Variants in SLC13A2 observed in about 807,000 individuals in gnomAD.
SLC13A2 encodes solute carrier family 13 member 2.
A neutral mutation model predicts 58.5 loss-of-function variants in SLC13A2; 40 were observed. The observed-to-expected ratio is 0.68, with a 90% confidence interval of 0.53 to 0.89. The LOEUF (loss-of-function observed/expected upper bound fraction) is 0.89. Among genes scored for constraint, SLC13A2 ranks in the 40% least tolerant of loss-of-function variants. SLC13A2 has a pLI of 0.00. For missense variants in SLC13A2, 694 were observed against 772.6 expected (o/e 0.90, Z 1.21); for synonymous variants, 341 against 331.6 (o/e 1.03, Z -0.31).
At chr17:28,489,162 G>A (rs1036924557) in intron 1 of SLC13A2, 52 bp from the exon 2 acceptor site, 2 of 1,599,886 alleles carry the variant, frequency 1.3e-6, no homozygotes, top group Admixed American at 3.4e-5. Context: ...AGGTGGCATA[G>A]CTCTGGGACA....
intron 1 of SLC13A2, among the ~76,000 whole-genome samples, chr17:28,480,153 CAAA>C (rs782701132): frequency 4.0e-5 from 5 of 125,378 alleles, no homozygotes; most frequent in Admixed American, 8.1e-5. Flanking sequence ...GACTCTGTCT[CAAA>C]AAAAAAAAAA....
intron 1 of SLC13A2, among the ~76,000 whole-genome samples, chr17:28,485,143 G>A (rs782080374): frequency 1.1e-4 from 16 of 152,240 alleles, no homozygotes; most frequent in African/African-American, 2.7e-4. Flanking sequence ...TGGGGAAGGA[G>A]GAGGCAGGGC....
chr17:28,494,629 C>T lies in SLC13A2; in HGVS notation c.1308+117C>T, dbSNP rs187568790. 817 of 1,455,870 alleles carry T rather than the reference C, an allele frequency of 5.6e-4. 2 individuals are homozygous for T. In the African/African-American group the frequency reaches 0.01, roughly 18 times the overall value. 90.2% of individuals were successfully genotyped at this position (1,455,870 alleles called of 1,614,324 possible). A position where few individuals can be genotyped will look rare whatever the true frequency, so the allele number is the denominator to read the frequency against. On this transcript the variant is annotated intron_variant, in intron 9 of 11. Coordinates refer to ENST00000314669, the MANE Select transcript of SLC13A2 (RefSeq NM_003984.4). The surrounding 1 kb of genome is among the most constrained non-coding windows in gnomAD (Gnocchi z 4.0). The stretch of plus-strand genomic sequence containing the variant: ...ACCTGGTCCCCACGTAGGAGCCTCT[C>T]GGGTAGGCAGAGCCTTTGCAGCAGC...
intron 1 of SLC13A2, among the ~76,000 whole-genome samples, chr17:28,487,109 T>C (rs1159111244): frequency 6.6e-6 from 1 of 152,240 alleles, no homozygotes; most frequent in East Asian, 1.9e-4. Flanking sequence ...GGTCCGATTA[T>C]TAACAACTCC....
At chr17:28,486,769 G>A (rs914537600) in intron 1 of SLC13A2, among the ~76,000 whole-genome samples, 4 of 151,308 alleles carry the variant, frequency 2.6e-5, no homozygotes, top group African/African-American at 7.3e-5. Flanking sequence ...AAACACACTG[G>A]AACACATGGA....
At chr17:28,491,381 C>A in intron 4 of SLC13A2, 56 bp from the exon 5 acceptor site, 4 of 1,589,628 alleles carry the variant, frequency 2.5e-6, no homozygotes, top group South Asian at 1.1e-5. Context: ...GCCCTGGCCC[C>A]GTTCCCCAGA....
intron 10 of SLC13A2, 92 bp downstream of exon 10, chr17:28,495,908 C>T: frequency 1.4e-6 from 2 of 1,426,126 alleles, no homozygotes; most frequent in Non-Finnish European, 9.5e-7. Context: ...CCTGTCTTTG[C>T]ACCTCCTCTT....
chr17:28,495,753 C>A lies in SLC13A2; in HGVS notation c.1407C>A (p.Thr469=). 6.2e-7 allele frequency: 1 copy of A among 1,613,318 alleles called. No homozygotes were observed. The highest frequency in any genetic ancestry group is 1.1e-5 in the South Asian group (1 of 91,064). Residue 469 remains threonine (T), a synonymous_variant, in exon 10 of 12, where the codon ACC becomes ACA. Coordinates refer to ENST00000314669, the MANE Select transcript of SLC13A2 (RefSeq NM_003984.4). ...TCATCCTCTCCCTCCTGGTGGCCAC[C>A]TTCACCGAGTGCACTAGCAACGTGG... is the stretch of plus-strand genomic sequence containing the variant. The part of the protein sequence containing the change: ...IAIILSLLVA[T]FTECTSNVAT...
chr17:28,481,898 C>T (rs1206383494), intron 1 of SLC13A2, among the ~76,000 whole-genome samples: 1 of 152,058 alleles, frequency 6.6e-6, no homozygotes, highest in Non-Finnish European at 1.5e-5. Flanking sequence ...TGGGCTCGAG[C>T]AATCCTCCTG....
At chr17:28,474,914 A>C (rs782718182) in intron 1 of SLC13A2, among the ~76,000 whole-genome samples, 10 of 152,180 alleles carry the variant, frequency 6.6e-5, no homozygotes, top group African/African-American at 1.7e-4. Flanking sequence ...AAATTGAGTC[A>C]GACTTTTTTG....
At chr17:28,482,600 T>C (rs1447985395) in intron 1 of SLC13A2, among the ~76,000 whole-genome samples, 4 of 152,234 alleles carry the variant, frequency 2.6e-5, no homozygotes, top group Non-Finnish European at 5.9e-5. Context: ...AGTCTGACCA[T>C]GCCACTCTCT....
Position 28,497,197 on chromosome 17 carries a change from C to T in SLC13A2, c.1707C>T (p.Pro569=), listed in dbSNP as rs371053624. 3 of 1,614,084 alleles carry T rather than the reference C, an allele frequency of 1.9e-6. No homozygotes were observed. In the African/African-American group the frequency reaches 4.0e-5, roughly 22 times the overall value. The part of the protein sequence containing the change: ...GIPLFSLHSF[P]SWAQSNTTAQ... ...CCCTCTTCAGCCTGCACTCTTTCCCCTCCTGGGCACAGTCCAACACCACAG... is the reference window on the plus strand; with the variant it reads ...CCCTCTTCAGCCTGCACTCTTTCCCTTCCTGGGCACAGTCCAACACCACAG... The change falls in exon 12 of 12, where the codon CCC becomes CCT. Residue 569 remains proline (P), a synonymous_variant. Transcript: ENST00000314669.
At chr17:28,485,058 C>T (rs1375515799) in intron 1 of SLC13A2, among the ~76,000 whole-genome samples, 1 of 152,110 alleles carries the variant, frequency 6.6e-6, no homozygotes, top group Non-Finnish European at 1.5e-5. Flanking sequence ...CCTCAGGAGC[C>T]CATAAACAGA....
chr17:28,476,221 C>T (rs1023181203), intron 1 of SLC13A2, among the ~76,000 whole-genome samples: 1 of 152,138 alleles, frequency 6.6e-6, no homozygotes, highest in Admixed American at 6.6e-5. Context: ...AGTCACTCCC[C>T]GCCCTCGGAT....
At chr17:28,475,527 C>A (rs374003958) in intron 1 of SLC13A2, among the ~76,000 whole-genome samples, 3 of 152,234 alleles carry the variant, frequency 2.0e-5, no homozygotes, top group Non-Finnish European at 2.9e-5. Flanking sequence ...GGCCACGCTC[C>A]TTCCAGGATA....
At chr17:28,493,930 A>G (rs1342602417) in intron 7 of SLC13A2, 87 bp from the exon 8 acceptor site, 2 of 1,483,528 alleles carry the variant, frequency 1.3e-6, no homozygotes, top group Non-Finnish European at 1.9e-6. Context: ...TCTATGGGAG[A>G]GGCTCATCTC....
rs1232428138 is a variant in SLC13A2 at position 28,474,288 on chromosome 17, A to G, written c.102+474A>G. Among the ~76,000 whole-genome samples the G allele has an allele frequency of 2.0e-5, 3 of 151,908 alleles. No homozygotes were observed. The East Asian group carries it at 5.8e-4, about 29-fold the overall frequency. On this transcript the variant is annotated intron_variant, in intron 1 of 11. Transcript: ENST00000314669. ...TTTAAGAGCATAAACAGGAAGAGAA[A>G]GAGTTCACCTGTGGATTCAAGGGCT...
intron 10 of SLC13A2, 117 bp downstream of exon 10, chr17:28,495,933 G>A: frequency 7.8e-7 from 1 of 1,286,956 alleles, no homozygotes; most frequent in Non-Finnish European, 1.1e-6. Flanking sequence ...TTTTCCTGAA[G>A]AGGACCCCTG....
At chr17:28,493,962 C>T in intron 7 of SLC13A2, 55 bp from the exon 8 acceptor site, 2 of 1,561,112 alleles carry the variant, frequency 1.3e-6, no homozygotes, top group South Asian at 1.1e-5. Context: ...ACCCTGTGGC[C>T]CTGAGCAACC....
Sources: gnomAD v4.1 joint callset for allele counts (sites outside exome capture counted in the v4.1 genomes callset) on GRCh38, gnomAD v4.1.1 for gene constraint, Gnocchi (gnomAD v3.1) non-coding constraint, MANE v1.5 for transcripts, NCBI Gene and HGNC (gene_info 2026-07-23, HGNC 2026-07-21) for gene names.